The following PITRM1 variants were observed in gnomAD, a reference collection of about 807,000 sequenced individuals.
PITRM1 encodes presequence protease, mitochondrial.
PITRM1 carries 100 observed loss-of-function variants against 129.9 expected under a neutral mutation model. The ratio of observed to expected loss-of-function variants is 0.77; its 90% CI spans 0.65 to 0.91. PITRM1 has a LOEUF of 0.91. PITRM1 is among the 40% of genes least tolerant of loss of function. PITRM1 has a pLI of 0.00. For missense variants in PITRM1, 1,471 were observed against 1,318.3 expected, an observed-to-expected ratio of 1.12 and a Z score of -1.79; for synonymous variants, 591 against 508.8, an observed-to-expected ratio of 1.16 and a Z score of -2.17.
intron 23 of PITRM1, chr10:3,141,883 G>A (rs113569865): frequency 0.016 from 3,574 of 224,314 alleles, 134 homozygotes; most frequent in African/African-American, 0.078. Flanking sequence ...TGGCTGGGGC[G>A]CCGTCAGCCG....
At chr10:3,146,497 C>T (rs892366728) in intron 20 of PITRM1, 2 of 152,368 alleles carry the variant, frequency 1.3e-5, no homozygotes, top group African/African-American at 4.8e-5. Flanking sequence ...AGAAGCCAGG[C>T]CTGCCTGAGC....
At position 3,155,571 on chromosome 10, in the gene PITRM1, C is replaced by G. The variant is rs1476755564; in HGVS notation, c.1621+20G>C. On this transcript the variant is annotated intron_variant, in intron 14 of 26. Coordinates refer to ENST00000224949, the MANE Select transcript of PITRM1 (RefSeq NM_014889.4). ...CGAGTGCAGGTTAGGGACTCGCCAG[C>G]TCGGAAGGAAGCCTCTGACCTTTCT... 6.2e-7 allele frequency: 1 copy of G among 1,613,482 alleles called. No individual in the cohort carries two copies. The highest frequency in any genetic ancestry group is 1.3e-5 in the African/African-American group (1 of 74,914).
rs1842105998 is a variant in PITRM1, at chr10:3,157,885, G to A, written c.1250+155C>T. On this transcript the variant is annotated intron_variant, in intron 11 of 26. Transcript: ENST00000224949. ...ATGTTGAAGAGTTTTAGTAACAGAA[G>A]GTAGCAGAGATAATATTTAAACAAC... 3.9e-5 allele frequency among the ~76,000 whole-genome samples: 6 copies of A among 152,158 alleles called. No individual in the cohort carries two copies. In the South Asian group the frequency reaches 1.0e-3, roughly 26 times the overall value.
At position 3,143,807 on chromosome 10, in the gene PITRM1, G is replaced by A. The variant is rs757971184; in HGVS notation, c.2533-306C>T. On this transcript the variant is annotated intron_variant, in intron 22 of 26. Coordinates refer to ENST00000224949, the MANE Select transcript of PITRM1 (RefSeq NM_014889.4). ...AATTAAAAACATTTCATTCTACGCC[G>A]TTTATATCACAGTTACATATTTATA... The A allele has an allele frequency of 2.4e-5, 15 of 617,984 alleles. 2 individuals are homozygous for A. The highest frequency in any genetic ancestry group is 1.1e-4 in the Admixed American group (5 of 46,960). The allele number at this position is 617,984 out of a possible 1,614,324, so 38.3% of individuals were successfully genotyped here.
At chr10:3,148,604 T>C (rs1382859129) in intron 16 of PITRM1, 9 of 295,932 alleles carry the variant, frequency 3.0e-5, no homozygotes, top group Non-Finnish European at 4.4e-5. Context: ...TTGTAAGCTC[T>C]TCAATAAATG....
At chr10:3,139,449 G>T (rs1839960650) in intron 24 of PITRM1, among the ~76,000 whole-genome samples, 1 of 152,184 alleles carries the variant, frequency 6.6e-6, no homozygotes, top group East Asian at 1.9e-4. Flanking sequence ...CACACCCAGG[G>T]TAGTACAGGA....
intron 16 of PITRM1, chr10:3,148,612 A>C: frequency 3.9e-6 from 1 of 259,300 alleles, no homozygotes; most frequent in Non-Finnish European, 7.4e-6. Context: ...TCTTCAATAA[A>C]TGTTTTATGA....
At chr10:3,138,209 C>A (rs566522287) in intron 26 of PITRM1, 26 bp downstream of exon 26, 2 of 1,595,854 alleles carry the variant, frequency 1.3e-6, no homozygotes, top group South Asian at 2.2e-5. Flanking sequence ...CAGTCCCAGA[C>A]GCTGTCTCCC....
chr10:3,160,637 C>A (rs1842367326), intron 7 of PITRM1, among the ~76,000 whole-genome samples: 1 of 152,166 alleles, frequency 6.6e-6, no homozygotes, highest in Non-Finnish European at 1.5e-5. Context: ...CTATTCCTGG[C>A]TTCAGGCATC....
chr10:3,166,187 G>T (rs776375417), intron 4 of PITRM1, 42 bp downstream of exon 4: 2 of 1,504,558 alleles, frequency 1.3e-6, no homozygotes, highest in Non-Finnish European at 1.8e-6. Flanking sequence ...GGGTGTGCCT[G>T]GCAAACCCAA....
At position 3,166,521 on chromosome 10, in the gene PITRM1, T is replaced by C. The variant is rs187899937; in HGVS notation, c.267-141A>G. On this transcript the variant is annotated intron_variant, in intron 3 of 26. Transcript: ENST00000224949. The stretch of plus-strand genomic sequence containing the variant: ...CCAGCACAGGGTTTTCCAACTATAA[T>C]GTAAATCATTGACTCAGACTGTAAA... 128 of 535,982 alleles carry C rather than the reference T, an allele frequency of 2.4e-4. 1 individual carries two copies. The highest frequency in any genetic ancestry group is 2.2e-3 in the African/African-American group (112 of 51,548). The allele number at this position is 535,982 out of a possible 1,614,324, so 33.2% of individuals were successfully genotyped here.
At chr10:3,166,108 TA>T in intron 4 of PITRM1, 120 bp downstream of exon 4, 2 of 768,988 alleles carry the variant, frequency 2.6e-6, no homozygotes, top group Non-Finnish European at 4.0e-6. Flanking sequence ...TAGAGAGAGG[TA>T]AAAATTTTTC....
chr10:3,149,507 C>G, intron 16 of PITRM1, 114 bp downstream of exon 16: 1 of 1,089,864 alleles, frequency 9.2e-7, no homozygotes. Context: ...TACTTACACA[C>G]TAACATTGTA....
Position 3,167,003 on chromosome 10 carries a change from G to C in PITRM1, c.199C>G (p.Leu67Val). 2 of 1,610,592 alleles carry C rather than the reference G, an allele frequency of 1.2e-6. No homozygotes were observed. The highest frequency in any genetic ancestry group is 1.7e-6 in the Non-Finnish European group (2 of 1,178,290). Residue 67 changes from leucine (L) to valine (V), a missense_variant, in exon 3 of 27, where the codon CTC (leucine) becomes GTC (valine). Leu to Val is a conservative substitution (Grantham distance 32, BLOSUM62 1). Transcript: ENST00000224949. ...CTGGCTCCTGTGTCATCATGGGTGA[G>C]CTTCACTGCAGTCAGGAACAGCTCG... ...VPELFLTAVK[L>V]THDDTGARYL...
Position 3,157,039 on chromosome 10 carries a change from T to G in PITRM1, c.1373A>C (p.Asp458Ala). 1 of 1,610,286 alleles carries G rather than the reference T, an allele frequency of 6.2e-7. No homozygotes were observed. The highest frequency in any genetic ancestry group is 8.5e-7 in the Non-Finnish European group (1 of 1,178,986). Residue 458 changes from aspartate (D) to alanine (A), a missense_variant, in exon 13 of 27, where the codon GAT (aspartate) becomes GCT (alanine). Transcript: ENST00000224949. ...CTTCAAGAGCTCCACAGGGTCCCCA[T>G]CATGGTTCCAGCAAGAAGCTATGTA... ...TSYIASCWNH[D>A]GDPVELLKLG...
chr10:3,144,274 AT>A lies in PITRM1; in HGVS notation c.2532+17del. The stretch of plus-strand genomic sequence containing the variant: ...AAGCACCCACCCGCTGGCAACCCGG[AT>A]GGGCTGTGGTTCTTACCATGACCAG... On this transcript the variant is annotated intron_variant, in intron 22 of 26. Transcript: ENST00000224949. The A allele has an allele frequency of 6.7e-7, 1 of 1,501,134 alleles. No individual in the cohort carries two copies. The highest frequency in any genetic ancestry group is 9.1e-7 in the Non-Finnish European group (1 of 1,102,900). The allele number at this position is 1,501,134 out of a possible 1,614,324, so 93.0% of individuals were successfully genotyped here.
At chr10:3,160,361 T>C (rs1481065923) in intron 7 of PITRM1, 31 bp from the exon 8 acceptor site, 1 of 1,564,220 alleles carries the variant, frequency 6.4e-7, no homozygotes, top group Middle Eastern at 1.7e-4. Flanking sequence ...AATTAGTCTG[T>C]TTTAGTTTAA....
intron 16 of PITRM1, 128 bp from the exon 17 acceptor site, chr10:3,148,419 C>T: frequency 1.7e-6 from 2 of 1,208,388 alleles, no homozygotes; most frequent in Non-Finnish European, 2.3e-6. Flanking sequence ...AACCTCTCTA[C>T]ACTTCGAAGG....
At chr10:3,148,567 A>C in intron 16 of PITRM1, 1 of 389,176 alleles carries the variant, frequency 2.6e-6, no homozygotes, top group South Asian at 5.4e-5. Context: ...TGCACTTAAA[A>C]CACCATTCTA....
Sources: gnomAD v4.1 joint callset for allele counts (sites outside exome capture counted in the v4.1 genomes callset) on GRCh38, gnomAD v4.1.1 for gene constraint, MANE v1.5 for transcripts, NCBI Gene and HGNC (gene_info 2026-07-23, HGNC 2026-07-21) for gene names.